Variants in POLR3B observed in about 807,000 individuals in gnomAD.
The protein encoded by POLR3B is RNA polymerase III subunit B.
POLR3B carries 96 observed loss-of-function variants against 147.4 expected under a neutral mutation model. That is an observed-to-expected ratio of 0.65 (90% confidence interval 0.55 to 0.77). The LOEUF (loss-of-function observed/expected upper bound fraction) is 0.77, where lower values mean the gene tolerates loss of function less well. POLR3B is among the 30% of genes least tolerant of loss of function. The pLI is 0.00. For missense variants in POLR3B, 1,036 were observed against 1,413.5 expected (o/e 0.73, Z 4.28); for synonymous variants, 461 against 485.9 (o/e 0.95, Z 0.67).
chr12:106,465,041 C>A (rs2037986863), intron 23 of POLR3B, among the ~76,000 whole-genome samples: 1 of 152,128 alleles, frequency 6.6e-6, no homozygotes, highest in Admixed American at 6.6e-5. Flanking sequence ...ACCCTTAATG[C>A]CCTTTGAGTG....
At chr12:106,399,732 T>G (rs1261223316) in intron 10 of POLR3B, among the ~76,000 whole-genome samples, 1 of 152,120 alleles carries the variant, frequency 6.6e-6, no homozygotes, top group Non-Finnish European at 1.5e-5. Context: ...AAACTAAGCT[T>G]CATAAGTGAA....
chr12:106,396,090 A>C (rs557710616), intron 10 of POLR3B, among the ~76,000 whole-genome samples: 1 of 152,292 alleles, frequency 6.6e-6, no homozygotes, highest in South Asian at 2.1e-4. Context: ...AGAAGAAAGT[A>C]CTAGCTGTAG....
chr12:106,504,295 C>A lies in POLR3B; in HGVS notation c.3272+41C>A. 6.6e-7 allele frequency: 1 copy of A among 1,524,502 alleles called. No individual in the cohort carries two copies. The highest frequency in any genetic ancestry group is 9.1e-7 in the Non-Finnish European group (1 of 1,098,022). 94.4% of individuals were successfully genotyped at this position (1,524,502 alleles called of 1,614,324 possible). A position where few individuals can be genotyped will look rare whatever the true frequency, so the allele number is the denominator to read the frequency against. Reference sequence around the variant, plus strand: ...ATGTCTCCCATACCACACCCCTTGCCTCTTAAATCACAGCTCAAGAATTGA... The same window carrying A: ...ATGTCTCCCATACCACACCCCTTGCATCTTAAATCACAGCTCAAGAATTGA... On this transcript the variant is annotated intron_variant, in intron 27 of 27. Transcript: ENST00000228347. This position sits in a 1 kb window ranked among gnomAD's most constrained non-coding sequence, Gnocchi z 4.6.
At chr12:106,473,795 T>C (rs919004098) in intron 23 of POLR3B, among the ~76,000 whole-genome samples, 3 of 138,546 alleles carry the variant, frequency 2.2e-5, no homozygotes, top group African/African-American at 8.1e-5. Flanking sequence ...AGATAAACAA[T>C]CATGTCATCT....
At chr12:106,374,887 C>A (rs2036657127) in intron 6 of POLR3B, among the ~76,000 whole-genome samples, 1 of 152,138 alleles carries the variant, frequency 6.6e-6, no homozygotes, top group South Asian at 2.1e-4. Flanking sequence ...TTGTTTATAT[C>A]CACACACATT....
chr12:106,428,961 T>C (rs1190726185), intron 13 of POLR3B, among the ~76,000 whole-genome samples: 2 of 152,156 alleles, frequency 1.3e-5, no homozygotes, highest in Non-Finnish European at 2.9e-5. Context: ...GCCTTAGCAG[T>C]TTTTCTGCTA....
Position 106,425,436 on chromosome 12 carries a change from G to T in POLR3B, c.1102-1761G>T, listed in dbSNP as rs566216623. On this transcript the variant is annotated intron_variant, in intron 12 of 27. Coordinates refer to ENST00000228347, the MANE Select transcript of POLR3B (RefSeq NM_018082.6). ...CAGAGTTTGTTGGGAGAGCCTGGGG[G>T]ATTAGGGACAGACAGCTTTTGCTTC... 5.3e-5 allele frequency among the ~76,000 whole-genome samples: 8 copies of T among 152,290 alleles called. No homozygotes were observed. In the South Asian group the frequency reaches 1.0e-3, roughly 20 times the overall value.
At chr12:106,457,393 T>A in intron 21 of POLR3B, 97 bp downstream of exon 21, 1 of 945,104 alleles carries the variant, frequency 1.1e-6, no homozygotes, top group Non-Finnish European at 1.7e-6. Flanking sequence ...CAGAAAAAAG[T>A]AACAACCTAT....
chr12:106,402,202 C>A (rs922040742), intron 10 of POLR3B, among the ~76,000 whole-genome samples: 4 of 152,050 alleles, frequency 2.6e-5, no homozygotes, highest in Non-Finnish European at 4.4e-5. Flanking sequence ...AGTGAACTCC[C>A]ATTCACAATT....
At chr12:106,360,249 G>A (rs2036451364) in intron 1 of POLR3B, among the ~76,000 whole-genome samples, 1 of 152,160 alleles carries the variant, frequency 6.6e-6, no homozygotes, top group Admixed American at 6.5e-5. Flanking sequence ...CTTGGTTAAA[G>A]TTCTTCAATC....
chr12:106,376,421 C>T lies in POLR3B; in HGVS notation c.467C>T (p.Ala156Val). ...VLTGKTPAEF[A>V]KLNECPLDPG... ...ACAGGAAAAACGCCAGCAGAATTTG[C>T]CAAACTGAACGAATGTCCCTTAGAT... Residue 156 changes from alanine (A) to valine (V), a missense_variant, in exon 7 of 28, where the codon GCC (alanine) becomes GTC (valine). Transcript: ENST00000228347. 1.4e-5 allele frequency: 22 copies of T among 1,612,808 alleles called. No homozygotes were observed. The highest frequency in any genetic ancestry group is 1.8e-5 in the Non-Finnish European group (21 of 1,179,166).
chr12:106,427,678 T>G (rs1479523617), intron 13 of POLR3B, among the ~76,000 whole-genome samples: 3 of 152,228 alleles, frequency 2.0e-5, no homozygotes, highest in Non-Finnish European at 4.4e-5. Context: ...TTGACGCATT[T>G]CAGGCAGGTT....
intron 23 of POLR3B, among the ~76,000 whole-genome samples, chr12:106,471,636 C>A (rs934361602): frequency 1.3e-5 from 2 of 152,108 alleles, no homozygotes; most frequent in Non-Finnish European, 2.9e-5. Flanking sequence ...AAGGCAGAGA[C>A]CATGTCCTTG....
intron 13 of POLR3B, among the ~76,000 whole-genome samples, chr12:106,429,706 A>G (rs917657099): frequency 2.0e-5 from 3 of 152,184 alleles, no homozygotes; most frequent in African/African-American, 7.2e-5. Flanking sequence ...TAATATGAAT[A>G]TATGTACTAT....
chr12:106,484,054 G>T (rs1350851683), intron 23 of POLR3B, among the ~76,000 whole-genome samples: 3 of 152,192 alleles, frequency 2.0e-5, no homozygotes, highest in Non-Finnish European at 2.9e-5. Context: ...CTGCGGGCAG[G>T]TCTGTCTTGG....
chr12:106,458,700 G>T (rs2037895802), intron 21 of POLR3B, among the ~76,000 whole-genome samples: 1 of 152,084 alleles, frequency 6.6e-6, no homozygotes, highest in South Asian at 2.1e-4. Context: ...TTGTTTCTTG[G>T]AGAATTTTTC....
intron 25 of POLR3B, 143 bp downstream of exon 25, chr12:106,497,061 C>A: frequency 1.4e-6 from 1 of 737,616 alleles, no homozygotes; most frequent in African/African-American, 1.8e-5. Flanking sequence ...AGGACGGCTT[C>A]GAATGCGGTC....
intron 23 of POLR3B, among the ~76,000 whole-genome samples, chr12:106,494,428 G>A (rs894864409): frequency 6.6e-6 from 1 of 152,056 alleles, no homozygotes; most frequent in Admixed American, 6.6e-5. Context: ...TTTTTCAGGG[G>A]TATAGCTGAA....
chr12:106,449,853 A>G (rs1187274965), intron 19 of POLR3B, among the ~76,000 whole-genome samples: 1 of 152,204 alleles, frequency 6.6e-6, no homozygotes, highest in Non-Finnish European at 1.5e-5. Context: ...TTAGTAGGGA[A>G]TATAGTAAGT....
Sources: allele counts gnomAD v4.1 joint callset (sites outside exome capture counted in the v4.1 genomes callset), GRCh38; gene constraint gnomAD v4.1.1; non-coding constraint Gnocchi (gnomAD v3.1); transcripts MANE v1.5; gene names NCBI Gene and HGNC (gene_info 2026-07-23, HGNC 2026-07-21).